The following PCDHGA2 variants were observed in gnomAD, a reference collection of about 807,000 sequenced individuals.
PCDHGA2 encodes the protein protocadherin gamma subfamily A, 2.
Under a neutral mutation model 59.2 loss-of-function variants are expected in PCDHGA2, and 40 were observed. That is an observed-to-expected ratio of 0.68 (90% CI 0.52 to 0.88). The LOEUF (loss-of-function observed/expected upper bound fraction) is 0.88, where lower values mean the gene tolerates loss of function less well. Ranked by LOEUF, PCDHGA2 falls within the 40% of genes least tolerant of loss-of-function variation. The pLI, the probability that PCDHGA2 is intolerant of heterozygous loss-of-function variation, is 0.00. For missense variants in PCDHGA2, 1,226 were observed against 1,204.0 expected (o/e 1.02, Z -0.27); for synonymous variants, 560 against 526.0 (o/e 1.06, Z -0.89).
intron 1 of PCDHGA2, chr5:141,415,641 TAAA>T: frequency 7.8e-7 from 1 of 1,280,840 alleles, no homozygotes; most frequent in African/African-American, 1.5e-5. Context: ...TTACTTTTGT[TAAA>T]AAAAAAAAGA....
At position 141,423,255 on chromosome 5, in the gene PCDHGA2, C is replaced by T. The variant is rs368969800; in HGVS notation, c.2425-71552C>T. ...GCATCCCCGAAGTCCTGGCGGACCT[C>T]GGCAGCCTCGAGTCTCTGGCTAACT... On this transcript the variant is annotated intron_variant, in intron 1 of 3. Transcript: ENST00000394576. 2.0e-5 allele frequency: 33 copies of T among 1,613,930 alleles called. No homozygotes were observed. In the East Asian group the frequency reaches 3.8e-4, roughly 19 times the overall value.
intron 1 of PCDHGA2, among the ~76,000 whole-genome samples, chr5:141,447,787 T>C (rs1025269338): frequency 1.3e-5 from 2 of 152,106 alleles, no homozygotes; most frequent in Non-Finnish European, 2.9e-5. Context: ...TGAAAATAAA[T>C]TTAAGAAAAT....
chr5:141,355,538 C>T lies in PCDHGA2; in HGVS notation c.2424+14143C>T, dbSNP rs757292300. On this transcript the variant is annotated intron_variant, in intron 1 of 3. Coordinates refer to ENST00000394576, the MANE Select transcript of PCDHGA2 (RefSeq NM_018915.4). ...AACCTGGAGATTCTTCTAGAAGATA[C>T]AGTGAAGATTTTGCGGGTAGAGGTG... The T allele has an allele frequency of 6.2e-6, 10 of 1,614,004 alleles. No individual in the cohort carries two copies. The South Asian group carries it at 7.7e-5, about 12-fold the overall frequency.
At chr5:141,496,373 C>T (rs1315450867) in intron 2 of PCDHGA2, among the ~76,000 whole-genome samples, 2 of 152,216 alleles carry the variant, frequency 1.3e-5, no homozygotes. Flanking sequence ...GAAGCAGGAG[C>T]TTGGGCCACC....
chr5:141,357,073 G>C, intron 1 of PCDHGA2: 1 of 1,613,956 alleles, frequency 6.2e-7, no homozygotes, highest in South Asian at 1.1e-5. Context: ...GCACACAGGC[G>C]AGGTGCGCAC....
Position 141,347,137 on chromosome 5 carries a change from C to CTTTCTTTCTTTCTTTCTT in PCDHGA2, c.2424+5743_2424+5744insTTCTTTCTTTCTTTCTTT, listed in dbSNP as rs1554073405. 5.3e-5 allele frequency among the ~76,000 whole-genome samples: 6 copies of CTTTCTTTCTTTCTTTCTT among 113,834 alleles called. No homozygotes were observed. In the East Asian group the frequency reaches 7.3e-4, roughly 14 times the overall value. 74.7% of individuals were successfully genotyped at this position (113,834 alleles called of 152,430 possible). On this transcript the variant is annotated intron_variant, in intron 1 of 3. Transcript: ENST00000394576. ...CTCCTTCCTTCCTTCCTCTGTTTCT[C>CTTTCTTTCTTTCTTTCTT]TCTTTCTTTCTTTCTTTCTTTCTTT...
At chr5:141,419,327 TC>T (rs774592605) in intron 1 of PCDHGA2, 1 of 1,613,856 alleles carries the variant, frequency 6.2e-7, no homozygotes, top group Non-Finnish European at 8.5e-7. Flanking sequence ...TGTCTCCTAC[TC>T]TCTCATTGCC....
At chr5:141,501,402 G>A (rs527659990) in intron 2 of PCDHGA2, among the ~76,000 whole-genome samples, 5 of 151,740 alleles carry the variant, frequency 3.3e-5, no homozygotes, top group Non-Finnish European at 7.4e-5. Flanking sequence ...ACAGGCCACT[G>A]CTTGGAAAAT....
intron 1 of PCDHGA2, chr5:141,421,287 C>T: frequency 1.2e-6 from 2 of 1,613,240 alleles, no homozygotes; most frequent in Non-Finnish European, 1.7e-6. Flanking sequence ...TGTGCATTTT[C>T]CTGGGGACGC....
At chr5:141,371,062 G>C in intron 1 of PCDHGA2, 1 of 1,613,974 alleles carries the variant, frequency 6.2e-7, no homozygotes, top group African/African-American at 1.3e-5. Context: ...CCCTCCAGAA[G>C]CTGTACCACC....
chr5:141,421,869 A>G lies in PCDHGA2; in HGVS notation c.2425-72938A>G, dbSNP rs200015978. 1.5e-5 allele frequency: 24 copies of G among 1,613,732 alleles called. No individual in the cohort carries two copies. The African/African-American group carries it at 3.1e-4, about 21-fold the overall frequency. ...AGGCTGCTCACCTGCTCCTCCTCAC[A>G]GCTTTAGATGGAGGCGATCCCATCC... On this transcript the variant is annotated intron_variant, in intron 1 of 3. Transcript: ENST00000394576.
intron 1 of PCDHGA2, among the ~76,000 whole-genome samples, chr5:141,380,592 C>A (rs1776595781): frequency 6.6e-6 from 1 of 152,050 alleles, no homozygotes; most frequent in South Asian, 2.1e-4. Flanking sequence ...TAGTAAAGAT[C>A]TTTAATATTT....
chr5:141,421,239 G>T (rs773410079), intron 1 of PCDHGA2: 5 of 1,599,000 alleles, frequency 3.1e-6, no homozygotes, highest in Middle Eastern at 3.3e-4. Flanking sequence ...TGGCGAATCG[G>T]CTACAGCGCG....
chr5:141,384,090 A>C (rs765649529), intron 1 of PCDHGA2: 1 of 1,596,410 alleles, frequency 6.3e-7, no homozygotes, highest in South Asian at 1.1e-5. Context: ...TAGAAAAATC[A>C]ATAGATAATT....
intron 1 of PCDHGA2, among the ~76,000 whole-genome samples, chr5:141,443,690 A>C (rs2098399415): frequency 6.6e-6 from 1 of 152,224 alleles, no homozygotes; most frequent in Non-Finnish European, 1.5e-5. Flanking sequence ...AACACTTCAA[A>C]AATTATAGAA....
intron 1 of PCDHGA2, chr5:141,404,104 T>C (rs2094485215): frequency 1.2e-6 from 2 of 1,613,640 alleles, no homozygotes; most frequent in East Asian, 2.2e-5. Flanking sequence ...AAGTTGTCTG[T>C]TCTATCCAGG....
chr5:141,372,405 A>T, intron 1 of PCDHGA2: 2 of 1,614,024 alleles, frequency 1.2e-6, no homozygotes, highest in Non-Finnish European at 1.7e-6. Context: ...CTTGCAAGAG[A>T]TACAACCTGA....
chr5:141,418,150 A>C (rs1377300460), intron 1 of PCDHGA2: 2 of 1,614,112 alleles, frequency 1.2e-6, no homozygotes, highest in Non-Finnish European at 8.5e-7. Context: ...AAATATGCAA[A>C]GAGAGAAGAA....
At chr5:141,388,295 C>T (rs766909730) in intron 1 of PCDHGA2, 3 of 1,613,442 alleles carry the variant, frequency 1.9e-6, no homozygotes, top group East Asian at 2.2e-5. Flanking sequence ...CGCAAAATTC[C>T]TTTGAGCTGC....
Sources: gnomAD v4.1 joint callset for allele counts (sites outside exome capture counted in the v4.1 genomes callset) on GRCh38, gnomAD v4.1.1 for gene constraint, MANE v1.5 for transcripts, NCBI Gene and HGNC (gene_info 2026-07-23, HGNC 2026-07-21) for gene names.